The following MACROD2 variants were observed in gnomAD, a reference collection of about 807,000 sequenced individuals.
MACROD2 encodes mono-ADP ribosylhydrolase 2, also known as ADP-ribose glycohydrolase MACROD2.
Under a neutral mutation model 70.4 loss-of-function variants are expected in MACROD2, and 36 were observed. The ratio of observed to expected loss-of-function variants is 0.51; its 90% CI spans 0.39 to 0.68. The LOEUF is 0.68. MACROD2 is among the 30% of genes least tolerant of loss of function. The pLI is 0.00. For synonymous variants in MACROD2, 172 were observed against 178.8 expected (o/e 0.96, Z 0.30); for missense variants, 496 against 538.4 (o/e 0.92, Z 0.78).
chr20:15,629,740 A>G (rs10485531), intron 8 of MACROD2, among the ~76,000 whole-genome samples: 10,012 of 152,256 alleles, frequency 0.066, 408 homozygotes, highest in Middle Eastern at 0.16. Context: ...ACCTCATCCA[A>G]TATGTTTCCT....
chr20:14,057,590 A>G (rs993946309), intron 2 of MACROD2, among the ~76,000 whole-genome samples: 1 of 152,302 alleles, frequency 6.6e-6, no homozygotes, highest in African/African-American at 2.4e-5. Context: ...TGGTGGGAAA[A>G]TATAAATTGT....
chr20:14,942,880 C>T (rs2074402020), intron 5 of MACROD2, among the ~76,000 whole-genome samples: 1 of 152,174 alleles, frequency 6.6e-6, no homozygotes, highest in Admixed American at 6.5e-5. Flanking sequence ...ACTACTTTAA[C>T]TGATAAAATA....
At chr20:15,134,754 C>A (rs1220129660) in intron 5 of MACROD2, among the ~76,000 whole-genome samples, 1 of 152,048 alleles carries the variant, frequency 6.6e-6, no homozygotes, top group East Asian at 1.9e-4. Flanking sequence ...ACAAAAAACC[C>A]TTCAAAAAAT....
chr20:15,301,591 C>CTTTT (rs71340214), intron 6 of MACROD2, among the ~76,000 whole-genome samples: 971 of 81,324 alleles, frequency 0.012, 35 homozygotes, highest in African/African-American at 0.017. Context: ...GGTAGGTGGC[C>CTTTT]TTTTTTTTTT....
chr20:14,633,504 G>A (rs1280389163), intron 4 of MACROD2, among the ~76,000 whole-genome samples: 1 of 152,178 alleles, frequency 6.6e-6, no homozygotes, highest in Non-Finnish European at 1.5e-5. Context: ...GGTGTTGCAT[G>A]TAAAGTTACC....
At chr20:14,958,594 C>T (rs61113065) in intron 5 of MACROD2, among the ~76,000 whole-genome samples, 34,455 of 152,076 alleles carry the variant, frequency 0.23, 5,395 homozygotes, top group African/African-American at 0.42. Flanking sequence ...CTGGAAGATC[C>T]GCTGATTAGC....
At chr20:15,500,974 T>C (rs1268481563) in intron 8 of MACROD2, among the ~76,000 whole-genome samples, 2 of 152,186 alleles carry the variant, frequency 1.3e-5, no homozygotes, top group Non-Finnish European at 2.9e-5. Flanking sequence ...TTGACACATT[T>C]TATTTTCTTT....
chr20:16,005,904 C>G (rs1332625436), intron 15 of MACROD2, among the ~76,000 whole-genome samples: 2 of 152,204 alleles, frequency 1.3e-5, no homozygotes, highest in Non-Finnish European at 2.9e-5. Context: ...AGTAACACCA[C>G]CAGCAGATGG....
intron 3 of MACROD2, among the ~76,000 whole-genome samples, chr20:14,434,885 C>T (rs2084038726): frequency 6.6e-6 from 1 of 152,146 alleles, no homozygotes; most frequent in South Asian, 2.1e-4. Context: ...GGTCAATTCT[C>T]ATCTATATAC....
chr20:14,589,839 C>T (rs1981641660), intron 4 of MACROD2, among the ~76,000 whole-genome samples: 1 of 152,176 alleles, frequency 6.6e-6, no homozygotes, highest in Non-Finnish European at 1.5e-5. Flanking sequence ...CTAAATGCTA[C>T]ATACTGCTGT....
chr20:14,981,112 A>G (rs1278743033), intron 5 of MACROD2, among the ~76,000 whole-genome samples: 3 of 151,296 alleles, frequency 2.0e-5, no homozygotes, highest in African/African-American at 7.3e-5. Context: ...GAATGCCCCC[A>G]TTTCTTATAG....
intron 4 of MACROD2, among the ~76,000 whole-genome samples, chr20:14,537,955 A>G (rs1289602184): frequency 6.6e-6 from 1 of 152,128 alleles, no homozygotes; most frequent in Non-Finnish European, 1.5e-5. Context: ...CCTCTTCTCA[A>G]ATGTGGATCT....
At chr20:15,434,933 G>C (rs1157587958) in intron 7 of MACROD2, among the ~76,000 whole-genome samples, 3 of 152,080 alleles carry the variant, frequency 2.0e-5, no homozygotes, top group Non-Finnish European at 4.4e-5. Context: ...GGGAAGTCAA[G>C]TATTGTATGT....
At chr20:16,023,577 T>C (rs2067034759) in intron 15 of MACROD2, among the ~76,000 whole-genome samples, 1 of 148,502 alleles carries the variant, frequency 6.7e-6, no homozygotes, top group Non-Finnish European at 1.5e-5. Context: ...TGGGAGGCAA[T>C]CCGAGGAAGC....
chr20:15,659,077 G>GCTCC lies in MACROD2; in HGVS notation c.645+159230_645+159231insCTCC, dbSNP rs2049777651. On this transcript the variant is annotated intron_variant, in intron 8 of 17. Transcript: ENST00000684519. The stretch of plus-strand genomic sequence containing the variant: ...TAGTCTAATAGGTTTTGGGAGGATG[G>GCTCC]AATATAGTGAGATATAATGTTCATT... Among the ~76,000 whole-genome samples, 12 of 152,220 alleles carry GCTCC rather than the reference G, an allele frequency of 7.9e-5. No homozygotes were observed. The South Asian group carries it at 2.5e-3, about 32-fold the overall frequency.
At chr20:14,731,668 C>A (rs2071599206) in intron 5 of MACROD2, among the ~76,000 whole-genome samples, 2 of 151,978 alleles carry the variant, frequency 1.3e-5, no homozygotes. Context: ...TCCCCCGGGC[C>A]CTTTCGTCCA....
At chr20:15,298,899 G>A (rs1288489857) in intron 6 of MACROD2, among the ~76,000 whole-genome samples, 1 of 152,046 alleles carries the variant, frequency 6.6e-6, no homozygotes, top group Non-Finnish European at 1.5e-5. Flanking sequence ...AGAAGCAGAG[G>A]CCCAGAAGAC....
At chr20:15,544,773 A>C (rs763173092) in intron 8 of MACROD2, among the ~76,000 whole-genome samples, 5 of 152,208 alleles carry the variant, frequency 3.3e-5, no homozygotes, top group Non-Finnish European at 5.9e-5. Context: ...AATAACAGCT[A>C]TCTGGAAGTG....
chr20:15,084,275 C>T (rs1047220421), intron 5 of MACROD2, among the ~76,000 whole-genome samples: 1 of 151,854 alleles, frequency 6.6e-6, no homozygotes, highest in African/African-American at 2.4e-5. Context: ...ACCATATTGG[C>T]CATGCTGGTC....
Sources: allele counts gnomAD v4.1 joint callset (sites outside exome capture counted in the v4.1 genomes callset), GRCh38; gene constraint gnomAD v4.1.1; transcripts MANE v1.5; gene names NCBI Gene and HGNC (gene_info 2026-07-23, HGNC 2026-07-21).